The following OSBPL6 variants were observed in gnomAD, a reference collection of about 807,000 sequenced individuals.
OSBPL6 encodes oxysterol binding protein like 6.
Under a neutral mutation model 125.8 loss-of-function variants are expected in OSBPL6, and 49 were observed. The ratio of observed to expected loss-of-function variants is 0.39; its 90% CI spans 0.31 to 0.49. The LOEUF is 0.49. Ranked by LOEUF, OSBPL6 falls within the 20% of genes least tolerant of loss-of-function variation. OSBPL6 has a pLI of 0.88. For missense variants in OSBPL6, 986 were observed against 1,135.4 expected, an observed-to-expected ratio of 0.87 and a Z score of 1.89; for synonymous variants, 394 against 391.8, an observed-to-expected ratio of 1.01 and a Z score of -0.07.
intron 1 of OSBPL6, among the ~76,000 whole-genome samples, chr2:178,200,482 C>T (rs1028557418): frequency 2.6e-5 from 4 of 152,002 alleles, no homozygotes; most frequent in African/African-American, 9.7e-5. Flanking sequence ...GAACTCCTGA[C>T]CTCAAGTGCT....
chr2:178,231,638 ATTTTTTTTTTT>A, intron 1 of OSBPL6, among the ~76,000 whole-genome samples: 1 of 84,572 alleles, frequency 1.2e-5, no homozygotes, highest in African/African-American at 5.5e-5. Flanking sequence ...GGGTGGTCCC[ATTTTTTTTTTT>A]TTTTTTTTTT....
chr2:178,392,951 C>T (rs1575058596), intron 23 of OSBPL6, among the ~76,000 whole-genome samples: 1 of 151,758 alleles, frequency 6.6e-6, no homozygotes, highest in East Asian at 1.9e-4. Context: ...TTATTCAATC[C>T]TTTCTCCATT....
At position 178,221,468 on chromosome 2, in the gene OSBPL6, A is replaced by G. The variant is rs973830198; in HGVS notation, c.-351+26794A>G. Among the ~76,000 whole-genome samples the G allele has an allele frequency of 7.9e-5, 12 of 152,350 alleles. No homozygotes were observed. The East Asian group carries it at 1.9e-3, about 24-fold the overall frequency. On this transcript the variant is annotated intron_variant, in intron 1 of 24. Coordinates refer to ENST00000190611, the MANE Select transcript of OSBPL6 (RefSeq NM_032523.4). Reference sequence around the variant, plus strand: ...TGAAGGAAATACTCTGAAAGAGTAGATGAAGCTATGAGCATGGTTTATTGG... The same window carrying G: ...TGAAGGAAATACTCTGAAAGAGTAGGTGAAGCTATGAGCATGGTTTATTGG...
chr2:178,265,162 A>G (rs1015766608), intron 1 of OSBPL6, among the ~76,000 whole-genome samples: 2 of 125,370 alleles, frequency 1.6e-5, no homozygotes, highest in African/African-American at 3.1e-5. Context: ...GATTATAGGC[A>G]TAAGTCACTT....
intron 1 of OSBPL6, among the ~76,000 whole-genome samples, chr2:178,280,846 G>C (rs1333404934): frequency 5.3e-5 from 8 of 152,036 alleles, no homozygotes; most frequent in African/African-American, 1.7e-4. Context: ...GTTCCTTGTA[G>C]ACTCTGGTTA....
intron 11 of OSBPL6, among the ~76,000 whole-genome samples, chr2:178,348,975 A>T (rs549131985): frequency 1.3e-5 from 2 of 152,180 alleles, no homozygotes; most frequent in African/African-American, 4.8e-5. Context: ...TCTTCCTGTC[A>T]TTCTATAGTT....
intron 18 of OSBPL6, among the ~76,000 whole-genome samples, 198 bp from the exon 19 acceptor site, chr2:178,385,260 A>AAAGG (rs1030910967): frequency 2.0e-5 from 3 of 152,086 alleles, no homozygotes; most frequent in Non-Finnish European, 4.4e-5. Flanking sequence ...AGGAAGAAAG[A>AAAGG]AAGGAAGGAA....
intron 8 of OSBPL6, among the ~76,000 whole-genome samples, chr2:178,335,564 T>G (rs1033703388): frequency 1.3e-5 from 2 of 152,220 alleles, no homozygotes; most frequent in Non-Finnish European, 2.9e-5. Context: ...ATGTGCATCA[T>G]TCACTTTGTA....
chr2:178,329,748 T>G (rs1689032007), intron 5 of OSBPL6, among the ~76,000 whole-genome samples: 1 of 152,144 alleles, frequency 6.6e-6, no homozygotes, highest in Non-Finnish European at 1.5e-5. Context: ...GGCCACCCAG[T>G]ATCCTCTTTG....
At chr2:178,359,331 A>C (rs1692108755) in intron 12 of OSBPL6, among the ~76,000 whole-genome samples, 1 of 152,228 alleles carries the variant, frequency 6.6e-6, no homozygotes, top group Non-Finnish European at 1.5e-5. Context: ...ATCATTAGGG[A>C]AATGCAAATC....
At chr2:178,348,038 T>C (rs575492910) in intron 11 of OSBPL6, among the ~76,000 whole-genome samples, 1 of 152,328 alleles carries the variant, frequency 6.6e-6, no homozygotes, top group African/African-American at 2.4e-5. Flanking sequence ...AGGCCAGATA[T>C]TTTGATTCTT....
chr2:178,240,631 T>C (rs992480741), intron 1 of OSBPL6, among the ~76,000 whole-genome samples: 2 of 152,158 alleles, frequency 1.3e-5, no homozygotes, highest in Admixed American at 1.3e-4. Flanking sequence ...CAGGAGCCTG[T>C]GATCCCAGCT....
chr2:178,295,983 A>T (rs1351931260), intron 2 of OSBPL6, among the ~76,000 whole-genome samples: 1 of 152,144 alleles, frequency 6.6e-6, no homozygotes, highest in Non-Finnish European at 1.5e-5. Flanking sequence ...AAATCTTAGC[A>T]ATTCCTTTAT....
At chr2:178,228,744 G>A (rs1327046431) in intron 1 of OSBPL6, among the ~76,000 whole-genome samples, 1 of 152,032 alleles carries the variant, frequency 6.6e-6, no homozygotes, top group Non-Finnish European at 1.5e-5. Flanking sequence ...AAAGTCTGAT[G>A]TGTATTTTAC....
intron 1 of OSBPL6, among the ~76,000 whole-genome samples, chr2:178,225,841 TC>T (rs1233920763): frequency 6.6e-6 from 1 of 152,190 alleles, no homozygotes; most frequent in Non-Finnish European, 1.5e-5. Context: ...TTCAGTCATC[TC>T]CCACTGGGTC....
At chr2:178,383,901 T>C (rs1161126063) in intron 17 of OSBPL6, 138 bp from the exon 18 acceptor site, 1 of 1,051,628 alleles carries the variant, frequency 9.5e-7, no homozygotes, top group East Asian at 2.4e-5. Context: ...AAAAATTCTG[T>C]ACAGACAATA....
chr2:178,262,899 A>G (rs899366792), intron 1 of OSBPL6, among the ~76,000 whole-genome samples: 1 of 152,226 alleles, frequency 6.6e-6, no homozygotes, highest in Non-Finnish European at 1.5e-5. Flanking sequence ...GATGGAGATG[A>G]GGAATCAAAT....
intron 1 of OSBPL6, among the ~76,000 whole-genome samples, chr2:178,201,678 C>T (rs1171619637): frequency 2.0e-5 from 3 of 152,128 alleles, no homozygotes; most frequent in African/African-American, 7.2e-5. Flanking sequence ...GTGAGGTGTC[C>T]GAGCCAGTGC....
In OSBPL6 at chr2:178,391,171, A is replaced by T. The variant is rs752558257; in HGVS notation, c.2400A>T (p.Gly800=). The part of the protein sequence containing the change: ...VYRLFGKWHE[G]LYCGVAPSAK... ...GGCTGTTTGGAAAGTGGCATGAAGG[A>T]CTCTACTGTGGTGTGGCCCCCTCTG... Residue 800 remains glycine (G), a synonymous_variant, in exon 22 of 25, where the codon GGA becomes GGT. Transcript: ENST00000190611. The T allele has an allele frequency of 1.4e-5, 23 of 1,613,386 alleles. No homozygotes were observed. The highest frequency in any genetic ancestry group is 1.3e-4 in the East Asian group (6 of 44,844).
Sources: gnomAD v4.1 joint callset for allele counts (sites outside exome capture counted in the v4.1 genomes callset) on GRCh38, gnomAD v4.1.1 for gene constraint, MANE v1.5 for transcripts, NCBI Gene and HGNC (gene_info 2026-07-23, HGNC 2026-07-21) for gene names.